The following LAPTM4A variants were observed in gnomAD, a reference collection of about 807,000 sequenced individuals.
LAPTM4A encodes the protein lysosomal-associated transmembrane protein 4A.
In LAPTM4A, 19 loss-of-function variants were observed where a neutral mutation model predicts 29.9. The ratio of observed to expected loss-of-function variants is 0.64; its 90% CI spans 0.44 to 0.93. LAPTM4A has a LOEUF of 0.93. Ranked by LOEUF, LAPTM4A falls within the 40% of genes least tolerant of loss-of-function variation. LAPTM4A has a pLI of 0.00. For missense variants in LAPTM4A, 293 were observed against 288.5 expected, an observed-to-expected ratio of 1.02 and a Z score of -0.11; for synonymous variants, 105 against 102.1, an observed-to-expected ratio of 1.03 and a Z score of -0.17.
In LAPTM4A at chr2:20,033,112, T is replaced by C. The variant is rs1673599117; in HGVS notation, c.*93A>G. 1 of 1,007,922 alleles carries C rather than the reference T, an allele frequency of 9.9e-7. No individual in the cohort carries two copies. The highest frequency in any genetic ancestry group is 1.6e-6 in the Non-Finnish European group (1 of 642,098). 62.4% of individuals were successfully genotyped at this position (1,007,922 alleles called of 1,614,324 possible). ...TAAACAAAAGACAACATATTTTATA[T>C]CAAACAAGTTTGAAGAGCCCTGAAT... On this transcript the variant is annotated 3_prime_UTR_variant, in exon 7 of 7. Transcript: ENST00000175091.
chr2:20,050,434 CCA>C (rs1674028372), intron 1 of LAPTM4A, among the ~76,000 whole-genome samples: 1 of 152,204 alleles, frequency 6.6e-6, no homozygotes, highest in African/African-American at 2.4e-5. Context: ...ACCCACACAA[CCA>C]CATTCGCGAA....
intron 1 of LAPTM4A, among the ~76,000 whole-genome samples, chr2:20,048,183 G>GTA (rs1268644474): frequency 6.6e-6 from 1 of 152,162 alleles, no homozygotes; most frequent in Admixed American, 6.5e-5. Flanking sequence ...TAATCACAAA[G>GTA]TATATCTACT....
intron 1 of LAPTM4A, among the ~76,000 whole-genome samples, chr2:20,041,838 A>C (rs1428031623): frequency 6.6e-6 from 1 of 152,062 alleles, no homozygotes; most frequent in Non-Finnish European, 1.5e-5. Flanking sequence ...GCCCGGCCTT[A>C]AATCTACCTT....
At position 20,051,493 on chromosome 2, in the gene LAPTM4A, G is replaced by A. The variant is rs954746433; in HGVS notation, c.28C>T (p.Arg10Cys). ...CGGGTGCTGTAGAACCGGTCACTGC[G>A]GTTCCGCTTGAAACTCATGGACACC... MVSMSFKRNRSDRFYSTRCC... is the reference protein window; with the variant it reads MVSMSFKRNCSDRFYSTRCC... The change falls in exon 1 of 7, where the codon CGC (arginine) becomes TGC (cysteine). Residue 10 changes from arginine to cysteine, a missense_variant. Coordinates refer to ENST00000175091, the MANE Select transcript of LAPTM4A (RefSeq NM_014713.5). 5.6e-6 allele frequency: 9 copies of A among 1,610,626 alleles called. No individual in the cohort carries two copies. The highest frequency in any genetic ancestry group is 1.7e-5 in the Admixed American group (1 of 59,720).
intron 2 of LAPTM4A, 113 bp from the exon 3 acceptor site, chr2:20,037,727 T>C (rs369414182): frequency 1.4e-4 from 74 of 547,472 alleles, no homozygotes; most frequent in Middle Eastern, 1.0e-3. Flanking sequence ...AAATTGGCTA[T>C]AAAAAGATCT....
At chr2:20,047,065 G>C (rs182463784) in intron 1 of LAPTM4A, among the ~76,000 whole-genome samples, 1 of 151,816 alleles carries the variant, frequency 6.6e-6, no homozygotes. Context: ...CAGGTGCACC[G>C]TGAGAAAAAC....
At chr2:20,042,503 G>A (rs1202442362) in intron 1 of LAPTM4A, among the ~76,000 whole-genome samples, 2 of 152,164 alleles carry the variant, frequency 1.3e-5, no homozygotes, top group Non-Finnish European at 2.9e-5. Flanking sequence ...CTGAATTTAG[G>A]ATCAGCATGT....
intron 1 of LAPTM4A, among the ~76,000 whole-genome samples, chr2:20,045,795 T>A (rs1184422782): frequency 6.7e-6 from 1 of 150,368 alleles, no homozygotes; most frequent in Non-Finnish European, 1.5e-5. Context: ...CTGGAGACTT[T>A]AAAAAAAAAA....
chr2:20,035,296 A>C (rs771808834), intron 4 of LAPTM4A: 7 of 462,834 alleles, frequency 1.5e-5, no homozygotes, highest in Middle Eastern at 5.2e-4. Context: ...AAAAAGTCTA[A>C]ATTTAGCTCG....
intron 4 of LAPTM4A, chr2:20,035,377 G>A: frequency 3.4e-6 from 1 of 295,684 alleles, no homozygotes; most frequent in Non-Finnish European, 6.6e-6. Flanking sequence ...ATATGGCACT[G>A]GAGATCAGTC....
At chr2:20,035,181 T>C (rs1001705003) in intron 4 of LAPTM4A, 119 bp from the exon 5 acceptor site, 4 of 692,916 alleles carry the variant, frequency 5.8e-6, no homozygotes, top group African/African-American at 5.4e-5. Context: ...TTAATAAAAA[T>C]GTATAAGCAG....
chr2:20,034,539 T>A, intron 5 of LAPTM4A, 124 bp from the exon 6 acceptor site: 1 of 709,104 alleles, frequency 1.4e-6, no homozygotes, highest in Non-Finnish European at 2.5e-6. Context: ...GACCTCTGTG[T>A]GGACCCAGCA....
In LAPTM4A at chr2:20,037,442, G is replaced by A. The variant is rs758609764; in HGVS notation, c.310-4C>T. On this transcript the variant is annotated splice_region_variant and splice_polypyrimidine_tract_variant and intron_variant, in intron 3 of 6. Coordinates refer to ENST00000175091, the MANE Select transcript of LAPTM4A (RefSeq NM_014713.5). ...GAATCAGCCAACCCACTTGATACTG[G>A]AGAAAAAATAACAACCATAACATTG... The A allele has an allele frequency of 3.1e-6, 5 of 1,606,036 alleles. No homozygotes were observed. Among genetic ancestry groups the A allele is most frequent in the Non-Finnish European group, 4.2e-6 (5 of 1,177,774 alleles).
At chr2:20,041,832 G>A (rs2010930) in intron 1 of LAPTM4A, among the ~76,000 whole-genome samples, 23,567 of 152,070 alleles carry the variant, frequency 0.15, 2,312 homozygotes, top group East Asian at 0.43. Context: ...CACCACGCCC[G>A]GCCTTAAATC....
At chr2:20,050,966 A>G (rs1161203433) in intron 1 of LAPTM4A, among the ~76,000 whole-genome samples, 2 of 152,222 alleles carry the variant, frequency 1.3e-5, no homozygotes, top group African/African-American at 4.8e-5. Context: ...TCGAAACTAG[A>G]CTGCGTTTAC....
chr2:20,043,857 A>G (rs1454529916), intron 1 of LAPTM4A, among the ~76,000 whole-genome samples: 1 of 152,238 alleles, frequency 6.6e-6, no homozygotes, highest in Non-Finnish European at 1.5e-5. Context: ...ACTTGTGTTA[A>G]GCTTGCTGAG....
intron 1 of LAPTM4A, among the ~76,000 whole-genome samples, chr2:20,041,454 A>G (rs571769209): frequency 5.9e-5 from 9 of 152,314 alleles, no homozygotes; most frequent in African/African-American, 2.2e-4. Context: ...CTCTAGAGCT[A>G]GACTCAAATG....
intron 1 of LAPTM4A, among the ~76,000 whole-genome samples, chr2:20,041,999 C>G (rs1033439418): frequency 6.6e-6 from 1 of 152,220 alleles, no homozygotes; most frequent in South Asian, 2.1e-4. Context: ...TTGTCTTCCT[C>G]TTTACACATG....
At chr2:20,051,039 A>AG (rs1340189591) in intron 1 of LAPTM4A, among the ~76,000 whole-genome samples, 1 of 152,188 alleles carries the variant, frequency 6.6e-6, no homozygotes, top group Non-Finnish European at 1.5e-5. Flanking sequence ...GATAGGAGGA[A>AG]GGGAGATGCT....
Sources: allele counts gnomAD v4.1 joint callset (sites outside exome capture counted in the v4.1 genomes callset), GRCh38; gene constraint gnomAD v4.1.1; transcripts MANE v1.5; gene names NCBI Gene and HGNC (gene_info 2026-07-23, HGNC 2026-07-21).